CHMP6: variants seen among roughly 807,000 people sequenced by gnomAD.
The protein encoded by CHMP6 is chromatin-modifying protein 6.
Under a neutral mutation model 32.8 loss-of-function variants are expected in CHMP6, and 10 were observed. That is an observed-to-expected ratio of 0.30 (90% confidence interval 0.19 to 0.52). The LOEUF (loss-of-function observed/expected upper bound fraction) is 0.52. Ranked by LOEUF, CHMP6 falls within the 20% of genes least tolerant of loss-of-function variation. CHMP6 has a pLI of 0.97. For synonymous variants in CHMP6, 123 were observed against 105.8 expected (o/e 1.16, Z -1.00); for missense variants, 269 against 263.8 (o/e 1.02, Z -0.14).
chr17:80,997,164 C>T, intron 5 of CHMP6, 92 bp downstream of exon 5: 1 of 1,600,666 alleles, frequency 6.2e-7, no homozygotes. Flanking sequence ...AGAGCGGCCG[C>T]CTTCTCTCAA....
chr17:80,998,544 G>C (rs745667395), intron 7 of CHMP6, 124 bp downstream of exon 7: 26 of 1,575,378 alleles, frequency 1.7e-5, no homozygotes, highest in Admixed American at 3.6e-5. Context: ...CTGCCTGGCT[G>C]TTTGGCTTGG....
At chr17:80,993,943 C>T (rs2069614841) in intron 1 of CHMP6, among the ~76,000 whole-genome samples, 1 of 151,966 alleles carries the variant, frequency 6.6e-6, no homozygotes, top group African/African-American at 2.4e-5. Context: ...GATGGAGTCT[C>T]ACTCTGTCAC....
intron 1 of CHMP6, 97 bp downstream of exon 1, chr17:80,992,078 C>T: frequency 1.1e-6 from 1 of 874,116 alleles, no homozygotes; most frequent in Non-Finnish European, 1.5e-6. Flanking sequence ...CTCGGCCCCC[C>T]GCGTTCGGAT....
At position 80,999,186 on chromosome 17, in the gene CHMP6, C is replaced by T; in HGVS notation, c.*33C>T. ...TCGTCTTGTGGGACTCACGGGGATG[C>T]CCCAGGGACTGTGGCCCACAGAGAG... On this transcript the variant is annotated 3_prime_UTR_variant, in exon 8 of 8. Coordinates refer to ENST00000325167, the MANE Select transcript of CHMP6 (RefSeq NM_024591.5). 2.5e-6 allele frequency: 4 copies of T among 1,612,054 alleles called. No homozygotes were observed. The highest frequency in any genetic ancestry group is 3.4e-6 in the Non-Finnish European group (4 of 1,178,410).
chr17:80,993,267 CT>C lies in CHMP6; in HGVS notation c.63+1296del, dbSNP rs5822382. ...TAGCACACACTAGCACAAATGATTG[CT>C]TTTTTTTTTCTGTTTTTCTAGGATA... On this transcript the variant is annotated intron_variant, in intron 1 of 7. Transcript: ENST00000325167. Among the ~76,000 whole-genome samples the C allele has an allele frequency of 4.7e-5, 7 of 149,934 alleles. No homozygotes were observed. The East Asian group carries it at 1.2e-3, about 25-fold the overall frequency.
chr17:80,998,393 T>C lies in CHMP6; in HGVS notation c.523T>C (p.Ser175Pro). ...ACAAATAGAGCTGCCAGAGGTTCCC[T>C]CCGAGCCCCTTCCTGAGAAGATCCC... The part of the protein sequence containing the change: ...QEQIELPEVP[S>P]EPLPEKIPEN... The change falls in exon 7 of 8, where the codon TCC becomes CCC. Residue 175 changes from serine (S) to proline (P), a missense_variant. By Grantham distance (74) the Ser-to-Pro change is moderately conservative. Coordinates refer to ENST00000325167, the MANE Select transcript of CHMP6 (RefSeq NM_024591.5). The C allele has an allele frequency of 6.2e-7, 1 of 1,614,216 alleles. No homozygotes were observed. The highest frequency in any genetic ancestry group is 8.5e-7 in the Non-Finnish European group (1 of 1,180,024).
rs1007396386 is a variant in CHMP6 at position 80,999,201 on chromosome 17, C to A, written c.*48C>A. The stretch of plus-strand genomic sequence containing the variant: ...CACGGGGATGCCCCAGGGACTGTGG[C>A]CCACAGAGAGTTTGGGTCACGGCCA... On this transcript the variant is annotated 3_prime_UTR_variant, in exon 8 of 8. Transcript: ENST00000325167. The A allele has an allele frequency of 2.1e-5, 34 of 1,608,168 alleles. No homozygotes were observed. The highest frequency in any genetic ancestry group is 2.9e-5 in the Non-Finnish European group (34 of 1,175,106).
intron 7 of CHMP6, chr17:80,998,762 C>A: frequency 1.7e-6 from 2 of 1,147,230 alleles, no homozygotes; most frequent in Non-Finnish European, 2.3e-6. Flanking sequence ...TGGCACCATT[C>A]AGCACAGGCT....
At chr17:80,994,448 T>C in intron 1 of CHMP6, 133 bp from the exon 2 acceptor site, 1 of 651,358 alleles carries the variant, frequency 1.5e-6, no homozygotes, top group Non-Finnish European at 2.5e-6. Flanking sequence ...GCACCACCTG[T>C]CCCCTGGAAG....
In CHMP6 at chr17:80,995,052, C is replaced by T. The variant is rs141410499; in HGVS notation, c.207C>T (p.Tyr69=). Residue 69 remains tyrosine (Y), a synonymous_variant, in exon 3 of 8, where the codon TAC becomes TAT. Transcript: ENST00000325167. The stretch of plus-strand genomic sequence containing the variant: ...AGCTGCTGCTCAAGAAGAAGCGATA[C>T]CAGGAGCAGCTCCTGGACAGGACGG... ...RAKLLLKKKR[Y]QEQLLDRTEN... 1.2e-6 allele frequency: 2 copies of T among 1,602,356 alleles called. No individual in the cohort carries two copies. The highest frequency in any genetic ancestry group is 1.7e-6 in the Non-Finnish European group (2 of 1,176,136).
chr17:80,991,965 A>G lies in CHMP6; in HGVS notation c.47A>G (p.Gln16Arg). The G allele has an allele frequency of 1.4e-6, 2 of 1,449,980 alleles. No homozygotes were observed. Among genetic ancestry groups the G allele is most frequent in the South Asian group, 1.3e-5 (1 of 76,048 alleles). The allele number at this position is 1,449,980 out of a possible 1,614,324, so 89.8% of individuals were successfully genotyped here. A position where few individuals can be genotyped will look rare whatever the true frequency, so the allele number is the denominator to read the frequency against. ...GRKKQSRVTE[Q>R]DKAILQLKQQ... The stretch of plus-strand genomic sequence containing the variant: ...AAGAAGCAGAGCCGCGTCACGGAGC[A>G]GGACAAGGCCATCCTGGTGAGGGCC... The change falls in exon 1 of 8, where the codon CAG becomes CGG. Residue 16 changes from glutamine to arginine, a missense_variant. By Grantham distance (43) the Gln-to-Arg change is conservative. Coordinates refer to ENST00000325167, the MANE Select transcript of CHMP6 (RefSeq NM_024591.5).
chr17:80,998,328 T>TC (rs1181031875), intron 6 of CHMP6, 38 bp from the exon 7 acceptor site: 1 of 1,613,290 alleles, frequency 6.2e-7, no homozygotes, highest in African/African-American at 1.3e-5. Context: ...GGGGCAGACC[T>TC]GTCACCTGCT....
Position 80,992,865 on chromosome 17 carries a change from G to A in CHMP6, c.63+884G>A, listed in dbSNP as rs117050004. Among the ~76,000 whole-genome samples, 1,207 of 152,350 alleles carry A rather than the reference G, an allele frequency of 7.9e-3. 9 individuals carry two copies. The highest frequency in any genetic ancestry group is 0.013 in the Non-Finnish European group (862 of 68,036). ...GGATGCTTTCTTTTCTAAATTTTGT[G>A]CAACAGAAATAGGTTAATTTTATAC... is the stretch of plus-strand genomic sequence containing the variant. On this transcript the variant is annotated intron_variant, in intron 1 of 7. Transcript: ENST00000325167.
intron 7 of CHMP6, 175 bp downstream of exon 7, chr17:80,998,595 C>T: frequency 6.8e-7 from 1 of 1,464,802 alleles, no homozygotes; most frequent in South Asian, 1.4e-5. Context: ...TTGGGTTTCC[C>T]AGGGGTTCGG....
rs200203729 is a variant in CHMP6 at position 80,995,772 on chromosome 17, G to A, written c.348+14G>A. 2 of 1,612,964 alleles carry A rather than the reference G, an allele frequency of 1.2e-6. No individual in the cohort carries two copies. The highest frequency in any genetic ancestry group is 4.5e-5 in the East Asian group (2 of 44,880). On this transcript the variant is annotated intron_variant, in intron 4 of 7. Coordinates refer to ENST00000325167, the MANE Select transcript of CHMP6 (RefSeq NM_024591.5). ...AAGATGCACCAGGTGAGTCTCTGCA[G>A]GGCCAGGGGCATGGAGGTGTGGGGA...
At chr17:80,992,711 G>A (rs1318996996) in intron 1 of CHMP6, among the ~76,000 whole-genome samples, 1 of 152,208 alleles carries the variant, frequency 6.6e-6, no homozygotes, top group African/African-American at 2.4e-5. Context: ...CCATGTGAAA[G>A]TTAGCTTCTG....
chr17:80,992,122 C>T, intron 1 of CHMP6, 141 bp downstream of exon 1: 1 of 497,940 alleles, frequency 2.0e-6, no homozygotes, highest in African/African-American at 2.0e-5. Flanking sequence ...AGCCGGGCCC[C>T]TCGGTCTCTC....
rs556061792 is a variant in CHMP6, at chr17:80,999,474, C to T, written c.*321C>T. 2 of 345,830 alleles carry T rather than the reference C, an allele frequency of 5.8e-6. No homozygotes were observed. Among genetic ancestry groups the T allele is most frequent in the African/African-American group, 2.1e-5 (1 of 47,362 alleles). The allele number at this position is 345,830 out of a possible 1,614,324, so 21.4% of individuals were successfully genotyped here. Reference sequence around the variant, plus strand: ...TGGTGCTGTTCCCCTGCAGTCCCAGCCCCGCGTGGCTCGCGCTCGTCTGTG... The same window carrying T: ...TGGTGCTGTTCCCCTGCAGTCCCAGTCCCGCGTGGCTCGCGCTCGTCTGTG... On this transcript the variant is annotated 3_prime_UTR_variant, in exon 8 of 8. Coordinates refer to ENST00000325167, the MANE Select transcript of CHMP6 (RefSeq NM_024591.5).
chr17:80,995,082 C>A lies in CHMP6; in HGVS notation c.237C>A (p.Asn79Lys). The change falls in exon 3 of 8, where the codon AAC becomes AAA. Residue 79 changes from asparagine to lysine, a missense_variant. By Grantham distance (94) the Asn-to-Lys change is moderately conservative. Coordinates refer to ENST00000325167, the MANE Select transcript of CHMP6 (RefSeq NM_024591.5). The stretch of plus-strand genomic sequence containing the variant: ...AGCAGCTCCTGGACAGGACGGAGAA[C>A]CAGATCAGCAGCCTGGAGGCCATGG... ...YQEQLLDRTE[N>K]QISSLEAMVQ... 7.5e-6 allele frequency: 12 copies of A among 1,602,568 alleles called. No individual in the cohort carries two copies. The highest frequency in any genetic ancestry group is 1.0e-5 in the Non-Finnish European group (12 of 1,176,288).
Sources: gnomAD v4.1 joint callset for allele counts (sites outside exome capture counted in the v4.1 genomes callset) on GRCh38, gnomAD v4.1.1 for gene constraint, MANE v1.5 for transcripts, NCBI Gene and HGNC (gene_info 2026-07-23, HGNC 2026-07-21) for gene names.